FGFR1OP2: variants seen among roughly 807,000 people sequenced by gnomAD.
FGFR1OP2 encodes fibroblast growth factor receptor 1 oncogene partner 2.
Under a neutral mutation model 35.2 loss-of-function variants are expected in FGFR1OP2, and 17 were observed. The ratio of observed to expected loss-of-function variants is 0.48; its 90% CI spans 0.33 to 0.73. The LOEUF (loss-of-function observed/expected upper bound fraction) is 0.73. FGFR1OP2 is among the 30% of genes least tolerant of loss of function. The pLI, the probability that FGFR1OP2 is intolerant of heterozygous loss-of-function variation, is 0.02. For synonymous variants in FGFR1OP2, 105 were observed against 104.6 expected (o/e 1.00, Z -0.03); for missense variants, 251 against 307.3 (o/e 0.82, Z 1.37).
chr12:26,940,817 T>C (rs915519769), intron 1 of FGFR1OP2, among the ~76,000 whole-genome samples: 16 of 152,344 alleles, frequency 1.1e-4, no homozygotes, highest in Middle Eastern at 6.8e-3. Context: ...ATTAATTACC[T>C]AGAAAATATT....
At chr12:26,939,500 T>A (rs1033915518) in intron 1 of FGFR1OP2, among the ~76,000 whole-genome samples, 1 of 152,242 alleles carries the variant, frequency 6.6e-6, no homozygotes, top group African/African-American at 2.4e-5. Context: ...CTATACTGGC[T>A]ATTTCCCCAA....
At chr12:26,960,174 A>T (rs954368051) in intron 4 of FGFR1OP2, among the ~76,000 whole-genome samples, 7 of 152,176 alleles carry the variant, frequency 4.6e-5, no homozygotes, top group Non-Finnish European at 7.3e-5. Context: ...GATATGCCTA[A>T]ACACAAAAGT....
intron 1 of FGFR1OP2, among the ~76,000 whole-genome samples, chr12:26,949,302 A>AT (rs1592248587): frequency 6.6e-6 from 1 of 151,798 alleles, no homozygotes; most frequent in East Asian, 1.9e-4. Flanking sequence ...CGCCCTGCTA[A>AT]TTTTTTTGTA....
chr12:26,938,885 C>A (rs779345738), intron 1 of FGFR1OP2, among the ~76,000 whole-genome samples, 175 bp downstream of exon 1: 2 of 152,028 alleles, frequency 1.3e-5, no homozygotes, highest in Non-Finnish European at 2.9e-5. Flanking sequence ...CCTCTCCGCG[C>A]CCCCCGACTC....
intron 1 of FGFR1OP2, among the ~76,000 whole-genome samples, chr12:26,948,768 G>A (rs1001952321): frequency 6.6e-6 from 1 of 152,208 alleles, no homozygotes; most frequent in Non-Finnish European, 1.5e-5. Context: ...TGGATGACAA[G>A]TTAGAATGCG....
In FGFR1OP2 at chr12:26,964,812, A is replaced by G. The variant is rs558212537; in HGVS notation, c.*79A>G. 5 of 1,500,982 alleles carry G rather than the reference A, an allele frequency of 3.3e-6. No individual in the cohort carries two copies. Among genetic ancestry groups the G allele is most frequent in the East Asian group, 4.6e-5 (2 of 43,906 alleles). The allele number at this position is 1,500,982 out of a possible 1,614,324, so 93.0% of individuals were successfully genotyped here. On this transcript the variant is annotated 3_prime_UTR_variant, in exon 7 of 7. Coordinates refer to ENST00000229395, the MANE Select transcript of FGFR1OP2 (RefSeq NM_015633.3). Reference sequence around the variant, plus strand: ...AATGAATGAATGGACAGAAAATTCAATCCTTTATTTTTTTCTCTGTAAATA... The same window carrying G: ...AATGAATGAATGGACAGAAAATTCAGTCCTTTATTTTTTTCTCTGTAAATA...
intron 1 of FGFR1OP2, among the ~76,000 whole-genome samples, chr12:26,952,383 T>C (rs1231635946): frequency 6.6e-6 from 1 of 152,134 alleles, no homozygotes; most frequent in East Asian, 1.9e-4. Context: ...TATCAGACAA[T>C]ATTGGTTCCT....
At chr12:26,955,607 A>G (rs995310320) in intron 2 of FGFR1OP2, among the ~76,000 whole-genome samples, 2 of 152,210 alleles carry the variant, frequency 1.3e-5, no homozygotes, top group Non-Finnish European at 2.9e-5. Context: ...GCTTCTTAAC[A>G]TAATGTTTTT....
At chr12:26,956,052 C>T (rs1049425807) in intron 2 of FGFR1OP2, among the ~76,000 whole-genome samples, 1 of 151,836 alleles carries the variant, frequency 6.6e-6, no homozygotes, top group African/African-American at 2.4e-5. Context: ...CATCAGCTAT[C>T]GTTAGCATTA....
intron 1 of FGFR1OP2, among the ~76,000 whole-genome samples, chr12:26,939,436 C>G (rs1344738553): frequency 6.6e-6 from 1 of 152,204 alleles, no homozygotes; most frequent in Non-Finnish European, 1.5e-5. Flanking sequence ...CTTTTACAGT[C>G]TGCCCCAATC....
At chr12:26,952,486 A>G (rs1938948600) in intron 1 of FGFR1OP2, among the ~76,000 whole-genome samples, 1 of 152,192 alleles carries the variant, frequency 6.6e-6, no homozygotes, top group Middle Eastern at 3.4e-3. Context: ...TTCTCTAGAG[A>G]GCCAGAAGTT....
At chr12:26,943,431 A>G (rs1938768723) in intron 1 of FGFR1OP2, among the ~76,000 whole-genome samples, 1 of 150,902 alleles carries the variant, frequency 6.6e-6, no homozygotes, top group African/African-American at 2.4e-5. Context: ...GTTTCTTTGC[A>G]TTTCCAAGCT....
chr12:26,939,580 A>G (rs1386741284), intron 1 of FGFR1OP2, among the ~76,000 whole-genome samples: 1 of 152,040 alleles, frequency 6.6e-6, no homozygotes, highest in Admixed American at 6.6e-5. Flanking sequence ...CTGTTCCTCT[A>G]TTTTACCACC....
At chr12:26,952,650 T>C (rs1384024550) in intron 1 of FGFR1OP2, among the ~76,000 whole-genome samples, 1 of 151,866 alleles carries the variant, frequency 6.6e-6, no homozygotes, top group African/African-American at 2.4e-5. Context: ...TTGAGTTATT[T>C]AAATTTTCTC....
chr12:26,947,186 T>C lies in FGFR1OP2; in HGVS notation c.-14-6959T>C, dbSNP rs757212607. ...ATTGTTGGATCACATGTTTAACCTT[T>C]TGAAGAACTGTCAGACTTTTCCAAA... On this transcript the variant is annotated intron_variant, in intron 1 of 6. Coordinates refer to ENST00000229395, the MANE Select transcript of FGFR1OP2 (RefSeq NM_015633.3). Among the ~76,000 whole-genome samples, 5 of 152,226 alleles carry C rather than the reference T, an allele frequency of 3.3e-5. 1 individual carries two copies. The highest frequency in any genetic ancestry group is 2.1e-4 in the South Asian group (1 of 4,830).
At chr12:26,951,544 T>G (rs1215026962) in intron 1 of FGFR1OP2, among the ~76,000 whole-genome samples, 1 of 152,122 alleles carries the variant, frequency 6.6e-6, no homozygotes. Flanking sequence ...GGTCTTGAAC[T>G]CCTGAATTCA....
chr12:26,943,384 A>C (rs529886172), intron 1 of FGFR1OP2, among the ~76,000 whole-genome samples: 1 of 152,168 alleles, frequency 6.6e-6, no homozygotes, highest in African/African-American at 2.4e-5. Context: ...AGTTTCTTCA[A>C]CTTTTTTTGT....
intron 1 of FGFR1OP2, among the ~76,000 whole-genome samples, chr12:26,947,450 G>T (rs1938847414): frequency 6.6e-6 from 1 of 151,980 alleles, no homozygotes; most frequent in South Asian, 2.1e-4. Context: ...GTCACACTTT[G>T]TCACCCAGGC....
chr12:26,965,583 A>G lies in FGFR1OP2; in HGVS notation c.*850A>G, dbSNP rs1299702908. 1 of 152,048 alleles carries G rather than the reference A, an allele frequency of 6.6e-6. No homozygotes were observed. The highest frequency in any genetic ancestry group is 1.5e-5 in the Non-Finnish European group (1 of 67,838). The allele number at this position is 152,048 out of a possible 1,614,324, so 9.4% of individuals were successfully genotyped here. On this transcript the variant is annotated 3_prime_UTR_variant, in exon 7 of 7. Transcript: ENST00000229395. The stretch of plus-strand genomic sequence containing the variant: ...AAATGTTTGATATGGCAAGATAGGT[A>G]TGGTAATTTCAAAGTGAATTGGGAA...
Sources: gnomAD v4.1 joint callset for allele counts (sites outside exome capture counted in the v4.1 genomes callset) on GRCh38, gnomAD v4.1.1 for gene constraint, MANE v1.5 for transcripts, NCBI Gene and HGNC (gene_info 2026-07-23, HGNC 2026-07-21) for gene names.